Variants in PDE11A observed in about 807,000 individuals in gnomAD.
PDE11A encodes dual 3',5'-cyclic-AMP and -GMP phosphodiesterase 11A.
A neutral mutation model predicts 100.5 loss-of-function variants in PDE11A; 100 were observed. The ratio of observed to expected loss-of-function variants is 1.00; its 90% CI spans 0.85 to 1.18. PDE11A has a LOEUF of 1.18. PDE11A is among the 50% of genes most tolerant of loss of function. PDE11A has a pLI of 0.00. For missense variants in PDE11A, 1,141 were observed against 1,152.6 expected (o/e 0.99, Z 0.15); for synonymous variants, 381 against 420.8 (o/e 0.91, Z 1.16).
intron 1 of PDE11A, among the ~76,000 whole-genome samples, chr2:178,035,308 C>T (rs184016946): frequency 1.8e-3 from 268 of 152,196 alleles, no homozygotes; most frequent in African/African-American, 5.9e-3. Context: ...CACATACACC[C>T]TCTCAAGACT....
chr2:177,848,010 G>GTA (rs2083632028), intron 5 of PDE11A, among the ~76,000 whole-genome samples: 1 of 152,072 alleles, frequency 6.6e-6, no homozygotes, highest in African/African-American at 2.4e-5. Flanking sequence ...GTGTGTGTGT[G>GTA]TAGCCAACAC....
chr2:177,948,092 C>T (rs951162179), intron 2 of PDE11A, among the ~76,000 whole-genome samples: 2 of 151,688 alleles, frequency 1.3e-5, no homozygotes, highest in African/African-American at 4.8e-5. Context: ...TATATGTATA[C>T]ACTACGTTTT....
intron 10 of PDE11A, among the ~76,000 whole-genome samples, chr2:177,752,939 T>C (rs201831266): frequency 6.6e-6 from 1 of 152,354 alleles, no homozygotes; most frequent in South Asian, 2.1e-4. Context: ...CTGTTAGTTA[T>C]AGTTAATTTC....
intron 6 of PDE11A, among the ~76,000 whole-genome samples, chr2:177,837,025 G>A (rs916594180): frequency 6.6e-6 from 1 of 152,190 alleles, no homozygotes; most frequent in Non-Finnish European, 1.5e-5. Flanking sequence ...GATACAAGGG[G>A]AAGGGAATCC....
In PDE11A at chr2:177,742,311, A is replaced by G. The variant is rs1182537010; in HGVS notation, c.1789-14139T>C. On this transcript the variant is annotated intron_variant, in intron 10 of 19. Transcript: ENST00000286063. ...CTTCTCGGGGAGCCCTAGTATGACA[A>G]TCCCAGTTTGTCTCACCCCATCTAG... Among the ~76,000 whole-genome samples the G allele has an allele frequency of 2.0e-5, 3 of 152,038 alleles. No individual in the cohort carries two copies. In the East Asian group the frequency reaches 5.8e-4, roughly 29 times the overall value.
rs1213346680 is a variant in PDE11A at position 177,637,956 on chromosome 2, T to C, written c.2647-8394A>G. Among the ~76,000 whole-genome samples the C allele has an allele frequency of 9.8e-5, 14 of 143,478 alleles. No homozygotes were observed. The Admixed American group carries it at 1.0e-3, about 10-fold the overall frequency. 94.1% of individuals were successfully genotyped at this position (143,478 alleles called of 152,430 possible). On this transcript the variant is annotated intron_variant, in intron 19 of 19. Coordinates refer to ENST00000286063, the MANE Select transcript of PDE11A (RefSeq NM_016953.4). ...ACATATATACATATATACACATACA[T>C]ATATACGTATATATATACACGTGTA...
intron 2 of PDE11A, among the ~76,000 whole-genome samples, chr2:177,980,925 C>T (rs1295954931): frequency 1.4e-5 from 2 of 147,800 alleles, no homozygotes; most frequent in African/African-American, 2.5e-5. Context: ...CTCAATGAGA[C>T]ATGAGGGTGG....
intron 2 of PDE11A, chr2:177,998,709 A>C: frequency 9.4e-7 from 1 of 1,060,218 alleles, no homozygotes; most frequent in Admixed American, 1.7e-5. Context: ...ATGCTGGCCC[A>C]CTCGCTCCGT....
intron 14 of PDE11A, among the ~76,000 whole-genome samples, chr2:177,698,934 C>T (rs775716662): frequency 1.3e-5 from 2 of 152,114 alleles, no homozygotes; most frequent in African/African-American, 4.8e-5. Context: ...CTGGGTCCAG[C>T]GATGCACCCA....
chr2:177,771,840 AAAAATAG>A lies in PDE11A; in HGVS notation c.1738-2474_1738-2468del, dbSNP rs2082315143. Among the ~76,000 whole-genome samples, 5 of 152,064 alleles carry A rather than the reference AAAAATAG, an allele frequency of 3.3e-5. 1 individual carries two copies. In the South Asian group the frequency reaches 6.2e-4, roughly 19 times the overall value. On this transcript the variant is annotated intron_variant, in intron 9 of 19. Transcript: ENST00000286063. ...CAACATGATGAAACCCCACCTCTAC[AAAAATAG>A]AAAAATTAGCTGGGCATGATGATGG...
At position 178,071,962 on chromosome 2, in the gene PDE11A, C is replaced by A. The variant is rs776187473; in HGVS notation, c.476G>T (p.Arg159Leu). Residue 159 changes from arginine to leucine, a missense_variant, in exon 1 of 20, where the codon CGG becomes CTG. By Grantham distance (102) the Arg-to-Leu change is moderately radical (BLOSUM62 -2). Coordinates refer to ENST00000286063, the MANE Select transcript of PDE11A (RefSeq NM_016953.4). ...GGTGGGGGGCAGGGAGCTTGCCTTC[C>A]GGAGAAGTGCCCTCCGTCGTACACT... ...LSSVRRRALL[R>L]KASSLPPTTA... 6 of 1,614,052 alleles carry A rather than the reference C, an allele frequency of 3.7e-6. No homozygotes were observed. The highest frequency in any genetic ancestry group is 1.7e-5 in the Admixed American group (1 of 60,014).
In PDE11A at chr2:177,702,336, A is replaced by G. The variant is rs995558130; in HGVS notation, c.2154-1125T>C. ...TCTCAAAAAAAAAAAAAAAGTTCAAAAAGGTTCGTGTCCAACTCTGTTTAA... is the reference window on the plus strand; with the variant it reads ...TCTCAAAAAAAAAAAAAAAGTTCAAGAAGGTTCGTGTCCAACTCTGTTTAA... On this transcript the variant is annotated intron_variant, in intron 13 of 19. Transcript: ENST00000286063. 3.3e-5 allele frequency among the ~76,000 whole-genome samples: 5 copies of G among 152,188 alleles called. No homozygotes were observed. The Middle Eastern group carries it at 0.01, about 311-fold the overall frequency.
chr2:177,769,342 G>T lies in PDE11A; in HGVS notation c.1769C>A (p.Ala590Asp). 1.9e-6 allele frequency: 3 copies of T among 1,600,080 alleles called. No homozygotes were observed. Among genetic ancestry groups the T allele is most frequent in the Non-Finnish European group, 2.6e-6 (3 of 1,167,382 alleles). Residue 590 changes from alanine to aspartate, a missense_variant, in exon 10 of 20, where the codon GCT (alanine) becomes GAT (aspartate). By Grantham distance (126) the Ala-to-Asp change is moderately radical. Transcript: ENST00000286063. ...CCTTACCTTAAACTTGTCAACTTCAGCTTTTGAACATGTTGCATGGTATGA... is the reference window on the plus strand; with the variant it reads ...CCTTACCTTAAACTTGTCAACTTCATCTTTTGAACATGTTGCATGGTATGA... ...VLSYHATCSK[A>D]EVDKFKAANI...
At chr2:177,938,508 G>A (rs1046021419) in intron 2 of PDE11A, among the ~76,000 whole-genome samples, 7 of 151,986 alleles carry the variant, frequency 4.6e-5, no homozygotes, top group African/African-American at 1.2e-4. Flanking sequence ...GAAGCTTCTC[G>A]GCAGCCTCCT....
At chr2:177,891,566 A>T (rs1426032317) in intron 4 of PDE11A, among the ~76,000 whole-genome samples, 1 of 152,200 alleles carries the variant, frequency 6.6e-6, no homozygotes, top group Non-Finnish European at 1.5e-5. Flanking sequence ...TTGATTTTTT[A>T]ACATTGAATC....
At chr2:178,094,650 A>G (rs2087466917) in intron 2 of PDE11A, among the ~76,000 whole-genome samples, 1 of 152,226 alleles carries the variant, frequency 6.6e-6, no homozygotes, top group East Asian at 1.9e-4. Context: ...TTATGAATTA[A>G]GGGCTCAAAG....
Position 177,669,514 on chromosome 2 carries a change from T to C in PDE11A, c.2541A>G (p.Leu847=). 1 of 1,405,796 alleles carries C rather than the reference T, an allele frequency of 7.1e-7. No individual in the cohort carries two copies. Among genetic ancestry groups the C allele is most frequent in the Non-Finnish European group, 1.0e-6 (1 of 990,206 alleles). 87.1% of individuals were successfully genotyped at this position (1,405,796 alleles called of 1,614,324 possible). A position where few individuals can be genotyped will look rare whatever the true frequency, so the allele number is the denominator to read the frequency against. The change falls in exon 18 of 20, where the codon TTA becomes TTG. Residue 847 remains leucine (L), a synonymous_variant. Coordinates refer to ENST00000286063, the MANE Select transcript of PDE11A (RefSeq NM_016953.4). Reference sequence around the variant, plus strand: ...TCACTGAAGGAGTGAGTTTGAGCTCTAATCTCTCCCGATCTCCTTGTTCGA... The same window carrying C: ...TCACTGAAGGAGTGAGTTTGAGCTCCAATCTCTCCCGATCTCCTTGTTCGA... ...EFFEQGDRER[L]ELKLTPSAIF... is the part of the protein sequence containing the mutation.
chr2:177,945,419 G>A (rs993906902), intron 2 of PDE11A, among the ~76,000 whole-genome samples: 18 of 141,368 alleles, frequency 1.3e-4, no homozygotes, highest in South Asian at 2.5e-4. Flanking sequence ...AGTGAGGAGC[G>A]TCTCTGCCCG....
chr2:177,806,625 A>G (rs1051472982), intron 9 of PDE11A, among the ~76,000 whole-genome samples: 2 of 152,218 alleles, frequency 1.3e-5, no homozygotes, highest in African/African-American at 4.8e-5. Context: ...AATACTTATG[A>G]ATACATGCAA....
Sources: allele counts gnomAD v4.1 joint callset (sites outside exome capture counted in the v4.1 genomes callset), GRCh38; gene constraint gnomAD v4.1.1; transcripts MANE v1.5; gene names NCBI Gene and HGNC (gene_info 2026-07-23, HGNC 2026-07-21).